Variants in DIAPH2 observed in about 807,000 individuals in gnomAD.
DIAPH2 encodes the protein diaphanous related formin 2, also known as protein diaphanous homolog 2.
In DIAPH2, 35 loss-of-function variants were observed where a neutral mutation model predicts 92.7. That is an observed-to-expected ratio of 0.38 (90% CI 0.29 to 0.50). The LOEUF is 0.50. DIAPH2 is among the 20% of genes least tolerant of loss of function. The probability of loss-of-function intolerance (pLI) is 0.94; values close to 1 mark genes in which losing one functional copy is unlikely to be tolerated. For synonymous variants in DIAPH2, 301 were observed against 280.4 expected, an observed-to-expected ratio of 1.07 and a Z score of -0.73; for missense variants, 701 against 819.5, an observed-to-expected ratio of 0.86 and a Z score of 1.77.
At chrX:97,235,726 C>G (rs763109208) in intron 22 of DIAPH2, among the ~76,000 whole-genome samples, 28 of 110,376 alleles carry the variant, frequency 2.5e-4, no homozygotes, top group Non-Finnish European at 5.1e-4. Context: ...AAGACCCTAC[C>G]TACCTCTCAA....
chrX:97,044,742 G>A (rs999483761), intron 17 of DIAPH2, among the ~76,000 whole-genome samples: 1 of 110,592 alleles, frequency 9.0e-6, no homozygotes, highest in East Asian at 2.9e-4. Context: ...AACCACTCTC[G>A]ACCTCATAGC....
Position 97,185,399 on chromosome X carries a change from A to ATATATATATG in DIAPH2, c.2719+43614_2719+43615insGTATATATAT, listed in dbSNP as rs1569323139. Among the ~76,000 whole-genome samples, 55 of 49,088 alleles carry ATATATATATG rather than the reference A, an allele frequency of 1.1e-3. 3 individuals carry two copies. The highest frequency in any genetic ancestry group is 1.6e-3 in the East Asian group (3 of 1,844). The allele number at this position is 49,088 out of a possible 115,157, so 42.6% of individuals were successfully genotyped here. On this transcript the variant is annotated intron_variant, in intron 22 of 26. Transcript: ENST00000324765. ...TATATATGTATATATATATGTGTAT[A>ATATATATATG]TATATATATATGTATATATATATGT...
intron 25 of DIAPH2, among the ~76,000 whole-genome samples, chrX:97,402,241 T>G: frequency 9.3e-6 from 1 of 107,891 alleles, no homozygotes; most frequent in Middle Eastern, 4.9e-3. Context: ...TGTGTGTAGA[T>G]GTATTAATAT....
intron 26 of DIAPH2, among the ~76,000 whole-genome samples, chrX:97,597,975 G>C (rs747800271): frequency 5.5e-4 from 61 of 111,365 alleles, no homozygotes; most frequent in Non-Finnish European, 1.0e-3. Context: ...ACATACCGTG[G>C]TGTTAATGAG....
chrX:97,297,399 CAT>C (rs1301248667), intron 23 of DIAPH2, among the ~76,000 whole-genome samples: 1 of 109,316 alleles, frequency 9.1e-6, no homozygotes, highest in Non-Finnish European at 1.9e-5. Context: ...GTTTTCCTGA[CAT>C]ATTGTTTTCT....
chrX:97,040,124 T>G (rs1203399489), intron 17 of DIAPH2, among the ~76,000 whole-genome samples: 1 of 111,143 alleles, frequency 9.0e-6, no homozygotes. Flanking sequence ...GTGGTTCTTT[T>G]TTGTCACAAA....
At chrX:96,842,672 G>A (rs1437832972) in intron 4 of DIAPH2, among the ~76,000 whole-genome samples, 1 of 111,971 alleles carries the variant, frequency 8.9e-6, no homozygotes, top group East Asian at 2.8e-4. Context: ...ATGAAACTAA[G>A]TAAAGTGGTC....
intron 23 of DIAPH2, among the ~76,000 whole-genome samples, chrX:97,323,012 TCTC>T (rs1378685483): frequency 9.5e-6 from 1 of 105,221 alleles, no homozygotes; most frequent in Non-Finnish European, 1.9e-5. Flanking sequence ...TTCAAATGAT[TCTC>T]CTGCCTCTGC....
chrX:97,440,594 CAAAAAAAA>C (rs775916074), intron 26 of DIAPH2, among the ~76,000 whole-genome samples: 12 of 39,418 alleles, frequency 3.0e-4, no homozygotes, highest in Non-Finnish European at 5.3e-4. Flanking sequence ...CTTCGTCTCA[CAAAAAAAA>C]AAAAAAAAAA....
rs369458463 is a variant in DIAPH2, at chrX:97,348,287, A to G, written c.3009+7A>G. The G allele has an allele frequency of 2.8e-5, 33 of 1,186,375 alleles. No individual in the cohort carries two copies. The African/African-American group carries it at 5.5e-4, about 20-fold the overall frequency. On this transcript the variant is annotated splice_region_variant and intron_variant, in intron 24 of 26. Coordinates refer to ENST00000324765, the MANE Select transcript of DIAPH2 (RefSeq NM_006729.5). ...CTTCCGAACTTTGTTTTTGGTAAGT[A>G]ATACATCTTAAAGCATTGCAAGACC...
intron 19 of DIAPH2, among the ~76,000 whole-genome samples, chrX:97,094,846 T>C (rs1354210644): frequency 9.0e-6 from 1 of 111,211 alleles, no homozygotes; most frequent in African/African-American, 3.3e-5. Context: ...ATTGGCAGAA[T>C]GGATGAATAA....
chrX:97,049,606 G>T (rs1455212424), intron 17 of DIAPH2, among the ~76,000 whole-genome samples: 1 of 110,932 alleles, frequency 9.0e-6, no homozygotes, highest in Non-Finnish European at 1.9e-5. Context: ...TTGTAGTTGG[G>T]ACATAATATT....
chrX:97,429,537 T>C (rs190764339), intron 25 of DIAPH2, 113 bp from the exon 26 acceptor site: 4 of 1,000,690 alleles, frequency 4.0e-6, no homozygotes, highest in Admixed American at 7.6e-5. Flanking sequence ...AAAACAGATA[T>C]ATGTCTTTAA....
At chrX:97,319,826 G>A (rs2068875623) in intron 23 of DIAPH2, among the ~76,000 whole-genome samples, 2 of 109,794 alleles carry the variant, frequency 1.8e-5, no homozygotes, top group African/African-American at 3.3e-5. Context: ...TTGGCCGGTT[G>A]CAGTGGCTCA....
chrX:97,520,601 C>G (rs752489012), intron 26 of DIAPH2, among the ~76,000 whole-genome samples: 4 of 112,009 alleles, frequency 3.6e-5, no homozygotes, highest in African/African-American at 6.5e-5. Flanking sequence ...TCATCTACTT[C>G]CCAGAAAGAT....
At chrX:96,975,593 A>G (rs1257089889) in intron 17 of DIAPH2, among the ~76,000 whole-genome samples, 2 of 112,144 alleles carry the variant, frequency 1.8e-5, no homozygotes, top group African/African-American at 6.5e-5. Context: ...ACCATACTTA[A>G]CTATCTTAGT....
chrX:96,750,059 T>C (rs1199346509), intron 3 of DIAPH2, among the ~76,000 whole-genome samples: 1 of 98,389 alleles, frequency 1.0e-5, no homozygotes, highest in South Asian at 5.3e-4. Flanking sequence ...AAGTTTTTTT[T>C]TTTTTTTTTT....
chrX:97,144,319 G>C (rs746440144), intron 22 of DIAPH2, among the ~76,000 whole-genome samples: 1 of 111,423 alleles, frequency 9.0e-6, no homozygotes, highest in African/African-American at 3.3e-5. Context: ...GCAAGACCCT[G>C]TCTCTTAAAA....
chrX:96,837,149 A>C (rs866012272), intron 4 of DIAPH2, among the ~76,000 whole-genome samples: 9 of 111,326 alleles, frequency 8.1e-5, no homozygotes, highest in Middle Eastern at 4.6e-3. Flanking sequence ...GGAAAGATAT[A>C]CACTGGTGTT....
Sources: allele counts gnomAD v4.1 joint callset (sites outside exome capture counted in the v4.1 genomes callset), GRCh38; gene constraint gnomAD v4.1.1; transcripts MANE v1.5; gene names NCBI Gene and HGNC (gene_info 2026-07-23, HGNC 2026-07-21).